Variants in USH2A observed in about 807,000 individuals in gnomAD.
USH2A encodes Usher syndrome 2A (autosomal recessive, mild).
USH2A carries 443 observed loss-of-function variants against 538.9 expected under a neutral mutation model. The ratio of observed to expected loss-of-function variants is 0.82; its 90% CI spans 0.76 to 0.89. The LOEUF (loss-of-function observed/expected upper bound fraction) is 0.89, where lower values mean the gene tolerates loss of function less well. Ranked by LOEUF, USH2A falls within the 40% of genes least tolerant of loss-of-function variation. The pLI is 0.00. For synonymous variants in USH2A, 2,413 were observed against 2,273.5 expected, an observed-to-expected ratio of 1.06 and a Z score of -1.75; for missense variants, 6,633 against 6,324.8, an observed-to-expected ratio of 1.05 and a Z score of -1.65.
intron 61 of USH2A, among the ~76,000 whole-genome samples, chr1:215,713,070 G>C (rs1476575653): frequency 6.6e-6 from 1 of 152,166 alleles, no homozygotes; most frequent in South Asian, 2.1e-4. Flanking sequence ...GCTTCCCAAA[G>C]TGCTGGGATT....
intron 11 of USH2A, 62 bp from the exon 12 acceptor site, chr1:216,251,160 T>C: frequency 6.4e-7 from 1 of 1,568,098 alleles, no homozygotes; most frequent in East Asian, 2.3e-5. Context: ...AATTTGCTCA[T>C]TAGGTACAAG....
intron 20 of USH2A, among the ~76,000 whole-genome samples, chr1:216,180,590 T>G (rs1007370373): frequency 6.6e-6 from 1 of 152,132 alleles, no homozygotes; most frequent in Non-Finnish European, 1.5e-5. Context: ...GGTACTGGTC[T>G]TTAAAATGGA....
intron 30 of USH2A, among the ~76,000 whole-genome samples, chr1:216,059,426 A>G (rs1448347875): frequency 6.6e-6 from 1 of 152,160 alleles, no homozygotes; most frequent in African/African-American, 2.4e-5. Context: ...CCAAACAATG[A>G]GTATCACTTC....
intron 10 of USH2A, among the ~76,000 whole-genome samples, chr1:216,290,458 T>G (rs930209091): frequency 2.0e-5 from 3 of 152,134 alleles, no homozygotes; most frequent in Non-Finnish European, 4.4e-5. Flanking sequence ...CCAAATACTG[T>G]GCTAAGTGCT....
At chr1:216,057,845 C>G (rs1348327770) in intron 30 of USH2A, among the ~76,000 whole-genome samples, 6 of 152,080 alleles carry the variant, frequency 3.9e-5, no homozygotes. Flanking sequence ...ACTAATTGCT[C>G]CTTATTATGT....
chr1:216,416,464 A>G (rs1021920752), intron 3 of USH2A, among the ~76,000 whole-genome samples: 6 of 152,142 alleles, frequency 3.9e-5, no homozygotes, highest in Non-Finnish European at 2.9e-5. Flanking sequence ...AAAAATAAAT[A>G]AAAGAGTGTA....
Position 215,625,765 on chromosome 1 carries a change from TC to T in USH2A, c.*15del, listed in dbSNP as rs779464021. ...GACCTTGCATTCCAGGGTTACGTCT[TC>T]TGGGTTTCCATCCTTTACAGGTGGG... On this transcript the variant is annotated 3_prime_UTR_variant, in exon 72 of 72. Coordinates refer to ENST00000307340, the MANE Select transcript of USH2A (RefSeq NM_206933.4). 1 of 1,613,722 alleles carries T rather than the reference TC, an allele frequency of 6.2e-7. No individual in the cohort carries two copies.
At chr1:215,747,956 A>G (rs528743414) in intron 58 of USH2A, among the ~76,000 whole-genome samples, 7 of 151,098 alleles carry the variant, frequency 4.6e-5, no homozygotes, top group Admixed American at 3.3e-4. Context: ...CAGTGGCGCA[A>G]TCTCGGCTCA....
At chr1:216,163,902 C>T (rs988276454) in intron 21 of USH2A, among the ~76,000 whole-genome samples, 2 of 151,978 alleles carry the variant, frequency 1.3e-5, no homozygotes, top group Non-Finnish European at 2.9e-5. Context: ...ATCTTGATCC[C>T]ACAAGTCCTA....
intron 21 of USH2A, among the ~76,000 whole-genome samples, chr1:216,114,408 A>G (rs1046223913): frequency 6.6e-6 from 1 of 152,134 alleles, no homozygotes; most frequent in African/African-American, 2.4e-5. Flanking sequence ...GATAAGCATT[A>G]TTCATTGTCC....
At chr1:215,696,438 T>C (rs1399375208) in intron 61 of USH2A, among the ~76,000 whole-genome samples, 1 of 152,194 alleles carries the variant, frequency 6.6e-6, no homozygotes, top group Non-Finnish European at 1.5e-5. Flanking sequence ...TGAGTTTCTC[T>C]CTCTGTCACT....
At chr1:215,847,368 T>C (rs1227661095) in intron 44 of USH2A, among the ~76,000 whole-genome samples, 1 of 152,134 alleles carries the variant, frequency 6.6e-6, no homozygotes, top group Non-Finnish European at 1.5e-5. Flanking sequence ...CAAAAATTGC[T>C]CAGGCTGGGC....
At chr1:216,066,605 T>C (rs1156379063) in intron 30 of USH2A, among the ~76,000 whole-genome samples, 3 of 152,210 alleles carry the variant, frequency 2.0e-5, no homozygotes, top group Non-Finnish European at 4.4e-5. Context: ...AGCACTGTGC[T>C]ATGTGCTTTA....
Position 216,323,612 on chromosome 1 carries a change from T to A in USH2A, c.1412A>T (p.Tyr471Phe). ...GAACTCTTGAAGAGATGGGGTATTA[T>A]AGAAGTTATTGTATCCAGGACGATA... ...PNYRPGYNNF[Y>F]NTPSLQEFVK... Residue 471 changes from tyrosine (Y) to phenylalanine (F), a missense_variant, in exon 8 of 72, where the codon TAT (tyrosine) becomes TTT (phenylalanine). Transcript: ENST00000307340. The A allele has an allele frequency of 6.2e-7, 1 of 1,613,586 alleles. No homozygotes were observed. Among genetic ancestry groups the A allele is most frequent in the Non-Finnish European group, 8.5e-7 (1 of 1,179,748 alleles).
At chr1:216,217,713 A>G (rs926870059) in intron 14 of USH2A, among the ~76,000 whole-genome samples, 163 bp from the exon 15 acceptor site, 1 of 152,136 alleles carries the variant, frequency 6.6e-6, no homozygotes, top group African/African-American at 2.4e-5. Context: ...AACATAAAAT[A>G]AAGGAAAATA....
chr1:216,094,188 C>G (rs905206313), intron 22 of USH2A, among the ~76,000 whole-genome samples: 6 of 151,980 alleles, frequency 3.9e-5, no homozygotes, highest in Non-Finnish European at 8.8e-5. Flanking sequence ...CTTTCTTTTT[C>G]TGATTTTTGT....
At chr1:216,324,473 A>T in intron 6 of USH2A, 121 bp from the exon 7 acceptor site, 1 of 956,614 alleles carries the variant, frequency 1.0e-6, no homozygotes, top group East Asian at 2.6e-5. Context: ...ATAGTTATCA[A>T]ATATGTATTA....
intron 43 of USH2A, among the ~76,000 whole-genome samples, chr1:215,873,105 C>A (rs182680849): frequency 1.6e-4 from 25 of 151,676 alleles, no homozygotes; most frequent in African/African-American, 6.1e-4. Flanking sequence ...AAAAGGACAT[C>A]GTGTAGGGCA....
chr1:216,420,515 A>G (rs1050226639), intron 2 of USH2A, among the ~76,000 whole-genome samples: 9 of 152,098 alleles, frequency 5.9e-5, no homozygotes, highest in Admixed American at 2.0e-4. Context: ...AATGGAAACG[A>G]CCTTGATACA....
Sources: allele counts gnomAD v4.1 joint callset (sites outside exome capture counted in the v4.1 genomes callset), GRCh38; gene constraint gnomAD v4.1.1; transcripts MANE v1.5; gene names NCBI Gene and HGNC (gene_info 2026-07-23, HGNC 2026-07-21).